OPRM1: variants seen among roughly 807,000 people sequenced by gnomAD.
OPRM1 encodes opioid receptor mu 1, also known as mu-type opioid receptor.
Under a neutral mutation model 31.8 loss-of-function variants are expected in OPRM1, and 27 were observed. The observed-to-expected ratio is 0.85, with a 90% CI of 0.63 to 1.17. OPRM1 has a LOEUF of 1.17. Among genes scored for constraint, OPRM1 ranks in the 50% most tolerant of loss-of-function variants. OPRM1 has a pLI of 0.00. For missense variants in OPRM1, 536 were observed against 511.1 expected, an observed-to-expected ratio of 1.05 and a Z score of -0.47; for synonymous variants, 196 against 189.9, an observed-to-expected ratio of 1.03 and a Z score of -0.26.
chr6:154,042,060 GTTA>G (rs1470977060), intron 1 of OPRM1, among the ~76,000 whole-genome samples: 1 of 152,088 alleles, frequency 6.6e-6, no homozygotes, highest in Non-Finnish European at 1.5e-5. Flanking sequence ...CTGAGAACAT[GTTA>G]TTATGCTTTA....
chr6:154,187,103 CTTG>C (rs138561036), intron 3 of OPRM1, among the ~76,000 whole-genome samples: 477 of 152,302 alleles, frequency 3.1e-3, no homozygotes, highest in African/African-American at 4.3e-3. Flanking sequence ...TCTGACTGCA[CTTG>C]TTGTGTTTTT....
At chr6:154,164,405 A>G (rs1562518378) in intron 3 of OPRM1, among the ~76,000 whole-genome samples, 1 of 152,232 alleles carries the variant, frequency 6.6e-6, no homozygotes, top group African/African-American at 2.4e-5. Context: ...ACAATAATAC[A>G]GAAGAAGGAA....
At chr6:154,218,465 T>G (rs1400531874) in intron 3 of OPRM1, among the ~76,000 whole-genome samples, 1 of 152,200 alleles carries the variant, frequency 6.6e-6, no homozygotes, top group Non-Finnish European at 1.5e-5. Flanking sequence ...AGAAATGCAG[T>G]TGCCCAGGGA....
chr6:154,043,090 A>G (rs1473489271), intron 1 of OPRM1, among the ~76,000 whole-genome samples: 1 of 152,210 alleles, frequency 6.6e-6, no homozygotes, highest in Non-Finnish European at 1.5e-5. Context: ...AGGTTTGTTC[A>G]TGTAGCTATG....
rs1799583338 is a variant in OPRM1, at chr6:154,168,168, A to C, written c.1164+76696A>C. 1.1e-5 allele frequency: 15 copies of C among 1,377,012 alleles called. No individual in the cohort carries two copies. The highest frequency in any genetic ancestry group is 1.1e-5 in the Non-Finnish European group (11 of 1,011,488). 85.3% of individuals were successfully genotyped at this position (1,377,012 alleles called of 1,614,324 possible). ...CAATAAACCCAGTGAAAAATCAAGGAGAGAACATTCAATACTGTGGTCCCA... is the reference window on the plus strand; with the variant it reads ...CAATAAACCCAGTGAAAAATCAAGGCGAGAACATTCAATACTGTGGTCCCA... On this transcript the variant is annotated intron_variant, in intron 3 of 3. Coordinates refer to the OPRM1 transcript ENST00000337049. The surrounding 1 kb of genome is among the most constrained non-coding windows in gnomAD (Gnocchi z 4.1).
At chr6:154,219,985 AGTGTGTGTGTGTGTGTGT>A (rs57450665) in intron 3 of OPRM1, among the ~76,000 whole-genome samples, 14 of 140,136 alleles carry the variant, frequency 1.0e-4, no homozygotes, top group Admixed American at 1.4e-4. Flanking sequence ...ACCTGTAAGG[AGTGTGTGTGTGTGTGTGT>A]GTGTGTGTGT....
intron 1 of OPRM1, among the ~76,000 whole-genome samples, chr6:154,054,151 C>T (rs1258031331): frequency 6.6e-6 from 1 of 151,870 alleles, no homozygotes; most frequent in Non-Finnish European, 1.5e-5. Flanking sequence ...CGGCGGATCA[C>T]GAGGTCAGGA....
chr6:154,097,253 T>A (rs1435008059), intron 3 of OPRM1, among the ~76,000 whole-genome samples: 1 of 152,224 alleles, frequency 6.6e-6, no homozygotes, highest in Non-Finnish European at 1.5e-5. Flanking sequence ...ATTAAAGCAC[T>A]TTCTTGACAT....
At chr6:154,180,220 A>C (rs1262951644) in intron 3 of OPRM1, among the ~76,000 whole-genome samples, 1 of 152,008 alleles carries the variant, frequency 6.6e-6, no homozygotes, top group Non-Finnish European at 1.5e-5. Context: ...AGTTGGTGCG[A>C]ATTTGGGTTA....
chr6:154,046,515 GTAT>G (rs1781148645), intron 1 of OPRM1, among the ~76,000 whole-genome samples: 1 of 152,288 alleles, frequency 6.6e-6, no homozygotes, highest in Admixed American at 6.5e-5. Flanking sequence ...AACGTTAAGA[GTAT>G]CTTGTGATTA....
At chr6:154,019,256 G>A (rs961705010) in intron 1 of OPRM1, among the ~76,000 whole-genome samples, 1 of 145,816 alleles carries the variant, frequency 6.9e-6, no homozygotes, top group African/African-American at 2.5e-5. Flanking sequence ...GCAGTTTTAA[G>A]TTCACAGCAA....
intron 3 of OPRM1, among the ~76,000 whole-genome samples, chr6:154,219,418 C>T (rs979348754): frequency 1.3e-5 from 2 of 152,092 alleles, no homozygotes; most frequent in Admixed American, 6.6e-5. Flanking sequence ...TAAAGAAAAG[C>T]CAGGACAGCA....
chr6:154,119,198 T>A lies in OPRM1; in HGVS notation c.*477T>A. 1.0e-6 allele frequency: 1 copy of A among 986,330 alleles called. No homozygotes were observed. The highest frequency in any genetic ancestry group is 1.2e-6 in the Non-Finnish European group (1 of 830,288). 61.1% of individuals were successfully genotyped at this position (986,330 alleles called of 1,614,324 possible). A position where few individuals can be genotyped will look rare whatever the true frequency, so the allele number is the denominator to read the frequency against. On this transcript the variant is annotated 3_prime_UTR_variant, in exon 4 of 4. Transcript: ENST00000330432. The stretch of plus-strand genomic sequence containing the variant: ...GCAAGGGAATGAATCCATTATTCTA[T>A]TTTAGACTTTTAACTTCACCTTAAA...
At chr6:154,138,614 G>T (rs1410978098) in intron 3 of OPRM1, among the ~76,000 whole-genome samples, 3 of 152,210 alleles carry the variant, frequency 2.0e-5, no homozygotes, top group Non-Finnish European at 2.9e-5. Context: ...CAACTTAAAT[G>T]ACCCCATCTT....
intron 3 of OPRM1, among the ~76,000 whole-genome samples, chr6:154,177,167 C>T (rs913819694): frequency 2.0e-5 from 3 of 152,118 alleles, no homozygotes; most frequent in Non-Finnish European, 2.9e-5. Flanking sequence ...AAACGTAAGA[C>T]CTAAAACCAT....
At chr6:154,246,678 C>G in intron 3 of OPRM1, 1 of 1,614,064 alleles carries the variant, frequency 6.2e-7, no homozygotes, top group East Asian at 2.2e-5. Context: ...TTCCCTTTTC[C>G]TTTTTCTTAT....
intron 3 of OPRM1, among the ~76,000 whole-genome samples, chr6:154,138,946 T>C (rs1237793299): frequency 2.0e-5 from 3 of 152,196 alleles, no homozygotes; most frequent in African/African-American, 7.2e-5. Flanking sequence ...CCATCTGATC[T>C]TGTGACCCCA....
chr6:154,137,287 A>G (rs916016781), downstream of OPRM1, among the ~76,000 whole-genome samples: 1 of 152,234 alleles, frequency 6.6e-6, no homozygotes, highest in Non-Finnish European at 1.5e-5. Context: ...GTACAGTGAT[A>G]AAAAGAAAGG....
intron 1 of OPRM1, 96 bp downstream of exon 1, chr6:154,039,930 A>G: frequency 8.5e-7 from 1 of 1,171,024 alleles, no homozygotes; most frequent in Non-Finnish European, 1.2e-6. Flanking sequence ...GGGCGGGAGG[A>G]TGAAAGAGGG....
Sources: gnomAD v4.1 joint callset for allele counts (sites outside exome capture counted in the v4.1 genomes callset) on GRCh38, gnomAD v4.1.1 for gene constraint, Gnocchi (gnomAD v3.1) non-coding constraint, MANE v1.5 for transcripts, NCBI Gene and HGNC (gene_info 2026-07-23, HGNC 2026-07-21) for gene names.